UBR4: variants seen among roughly 807,000 people sequenced by gnomAD.
UBR4 encodes the protein E3 ubiquitin-protein ligase UBR4.
A neutral mutation model predicts 575.6 loss-of-function variants in UBR4; 124 were observed. The observed-to-expected ratio is 0.22, with a 90% CI of 0.19 to 0.25. The LOEUF (loss-of-function observed/expected upper bound fraction) is 0.25, where lower values mean the gene tolerates loss of function less well. Ranked by LOEUF, UBR4 falls within the 10% of genes least tolerant of loss-of-function variation. The pLI is 1.00. For missense variants in UBR4, 4,818 were observed against 6,478.8 expected (o/e 0.74, Z 8.80); for synonymous variants, 2,455 against 2,473.7 (o/e 0.99, Z 0.22).
chr1:19,114,416 T>C (rs1161649167), intron 75 of UBR4, among the ~76,000 whole-genome samples: 1 of 152,196 alleles, frequency 6.6e-6, no homozygotes, highest in Non-Finnish European at 1.5e-5. Context: ...TTCACTGTTC[T>C]TTAATATCTA....
intron 1 of UBR4, among the ~76,000 whole-genome samples, chr1:19,209,174 G>A (rs571212675): frequency 6.6e-6 from 1 of 152,294 alleles, no homozygotes; most frequent in African/African-American, 2.4e-5. Flanking sequence ...CCTTGTCATC[G>A]TGAAGCTAAA....
At chr1:19,177,767 T>A in intron 18 of UBR4, 24 bp from the exon 19 acceptor site, 1 of 1,602,378 alleles carries the variant, frequency 6.2e-7, no homozygotes, top group Admixed American at 1.7e-5. Flanking sequence ...AAGATGACTA[T>A]ATCTGGTGGG....
intron 92 of UBR4, chr1:19,095,915 T>C (rs2077990596): frequency 2.6e-6 from 1 of 387,088 alleles, no homozygotes; most frequent in Admixed American, 4.1e-5. Flanking sequence ...ATGGAAGAGG[T>C]GATGCTCTGT....
intron 105 of UBR4, 120 bp downstream of exon 105, chr1:19,076,620 G>T: frequency 1.8e-5 from 25 of 1,354,646 alleles, no homozygotes; most frequent in Non-Finnish European, 2.6e-5. Context: ...AGTGGCAGCT[G>T]ACAGGCTGGT....
intron 102 of UBR4, among the ~76,000 whole-genome samples, chr1:19,083,333 G>A (rs1254930989): frequency 1.3e-5 from 2 of 152,168 alleles, no homozygotes; most frequent in South Asian, 4.2e-4. Flanking sequence ...GAAATGGGAG[G>A]GAAGGAAAAG....
rs190693535 is a variant in UBR4, at chr1:19,190,910, T to C, written c.1394+1278A>G. Among the ~76,000 whole-genome samples the C allele has an allele frequency of 2.2e-3, 328 of 152,286 alleles. 3 individuals are homozygous for C. The highest frequency in any genetic ancestry group is 7.6e-3 in the African/African-American group (315 of 41,562). On this transcript the variant is annotated intron_variant, in intron 11 of 105. Coordinates refer to ENST00000375254, the MANE Select transcript of UBR4 (RefSeq NM_020765.3). ...GTTGCATCTCTCCCTTGTTTAATCC[T>C]TCTAACAGTTACTGACTGCACTTGG... is the stretch of plus-strand genomic sequence containing the variant.
chr1:19,194,695 G>A (rs879766814), intron 8 of UBR4, among the ~76,000 whole-genome samples: 4 of 152,112 alleles, frequency 2.6e-5, no homozygotes, highest in Non-Finnish European at 4.4e-5. Flanking sequence ...CCAGCTACTC[G>A]GGAAGCTGAA....
In UBR4 at chr1:19,094,047, G is replaced by A. The variant is rs764196439; in HGVS notation, c.13839C>T (p.Leu4613=). The A allele has an allele frequency of 4.3e-6, 7 of 1,614,138 alleles. No individual in the cohort carries two copies. Among genetic ancestry groups the A allele is most frequent in the Non-Finnish European group, 5.9e-6 (7 of 1,180,022 alleles). The change falls in exon 95 of 106, where the codon CTC becomes CTT. Residue 4613 remains leucine (L), a synonymous_variant. Coordinates refer to ENST00000375254, the MANE Select transcript of UBR4 (RefSeq NM_020765.3). ...STFVRSNPSV[L]QGLLRIIPYL... is the part of the protein sequence containing the mutation. ...ACGGGATGATGCGAAGCAGGCCCTG[G>A]AGCACACTGGGGTTGGAGCGAACAA...
At chr1:19,112,245 C>T (rs1255931656) in intron 78 of UBR4, 3 of 397,754 alleles carry the variant, frequency 7.5e-6, no homozygotes, top group African/African-American at 2.0e-5. Context: ...TGTCTCCCTT[C>T]CCTTCCCTCA....
chr1:19,095,689 A>G (rs777505611), intron 92 of UBR4, 37 bp from the exon 93 acceptor site: 5 of 1,596,480 alleles, frequency 3.1e-6, no homozygotes, highest in African/African-American at 1.3e-5. Flanking sequence ...ATGAGGCCAC[A>G]TGAGAGTGTA....
chr1:19,123,737 G>T lies in UBR4; in HGVS notation c.9589-677C>A, dbSNP rs1007188318. Among the ~76,000 whole-genome samples, 31 of 152,132 alleles carry T rather than the reference G, an allele frequency of 2.0e-4. 1 individual carries two copies. Among genetic ancestry groups the T allele is most frequent in the Admixed American group, 6.5e-5 (1 of 15,284 alleles). ...GGTAAAAGAGCTAAAGAGAAGATTGGGTTGGTACAACTATGTAACTCAAAA... is the reference window on the plus strand; with the variant it reads ...GGTAAAAGAGCTAAAGAGAAGATTGTGTTGGTACAACTATGTAACTCAAAA... On this transcript the variant is annotated intron_variant, in intron 65 of 105. Transcript: ENST00000375254.
At chr1:19,156,637 C>A in intron 41 of UBR4, 130 bp downstream of exon 41, 2 of 1,399,860 alleles carry the variant, frequency 1.4e-6, no homozygotes, top group Non-Finnish European at 1.9e-6. Context: ...AGAAAAATTC[C>A]TTTTGCATTT....
chr1:19,126,306 G>T, intron 64 of UBR4, 140 bp downstream of exon 64: 1 of 948,812 alleles, frequency 1.1e-6, no homozygotes, highest in Non-Finnish European at 1.6e-6. Flanking sequence ...CAATCACGCC[G>T]AGATTAACCC....
At chr1:19,174,857 C>G (rs2090049355) in intron 21 of UBR4, 97 bp downstream of exon 21, 2 of 1,115,300 alleles carry the variant, frequency 1.8e-6, no homozygotes, top group South Asian at 1.4e-5. Flanking sequence ...CATTTCCTCA[C>G]TATAAAAAGT....
At position 19,162,736 on chromosome 1, in the gene UBR4, A is replaced by T. The variant is rs1452470441; in HGVS notation, c.4765-125T>A. On this transcript the variant is annotated intron_variant, in intron 34 of 105. Transcript: ENST00000375254. ...TGGTATGAGAGCAGAGAAGAAAAAC[A>T]GTGTGTTTTTATTTATTAACCAGGT... is the stretch of plus-strand genomic sequence containing the variant. 6 of 1,213,678 alleles carry T rather than the reference A, an allele frequency of 4.9e-6. No homozygotes were observed. The Admixed American group carries it at 1.8e-4, about 36-fold the overall frequency. 75.2% of individuals were successfully genotyped at this position (1,213,678 alleles called of 1,614,324 possible). A position where few individuals can be genotyped will look rare whatever the true frequency, so the allele number is the denominator to read the frequency against.
Position 19,092,858 on chromosome 1 carries a change from C to T in UBR4, c.14172G>A (p.Arg4724=). 6.2e-7 allele frequency: 1 copy of T among 1,613,374 alleles called. No homozygotes were observed. The highest frequency in any genetic ancestry group is 8.5e-7 in the Non-Finnish European group (1 of 1,179,828). Residue 4724 remains arginine, a synonymous_variant, in exon 97 of 106, where the codon AGG becomes AGA. Coordinates refer to ENST00000375254, the MANE Select transcript of UBR4 (RefSeq NM_020765.3). The stretch of plus-strand genomic sequence containing the variant: ...GCTGGATGGCCAGGCCCCGAAGCAG[C>T]CTTAGGATAAATGGCAAGGCTGGGC... ...LSRPALPFIL[R]LLRGLAIQHP...
chr1:19,192,984 T>C (rs1040273609), intron 9 of UBR4, among the ~76,000 whole-genome samples: 3 of 152,174 alleles, frequency 2.0e-5, no homozygotes, highest in African/African-American at 7.2e-5. Context: ...GGTTTCACCA[T>C]GCTGGCCAGG....
chr1:19,115,230 C>T (rs2080385746), intron 74 of UBR4, among the ~76,000 whole-genome samples, 168 bp downstream of exon 74: 1 of 115,326 alleles, frequency 8.7e-6, no homozygotes, highest in South Asian at 2.6e-4. Flanking sequence ...CACTCACTCA[C>T]TCTCTCTTCT....
In UBR4 at chr1:19,110,311, C is replaced by A; in HGVS notation, c.11977+69G>T. On this transcript the variant is annotated intron_variant, in intron 80 of 105. Coordinates refer to ENST00000375254, the MANE Select transcript of UBR4 (RefSeq NM_020765.3). This position sits in a 1 kb window ranked among gnomAD's most constrained non-coding sequence, Gnocchi z 4.5. The stretch of plus-strand genomic sequence containing the variant: ...CCGCCCAAGCATCAGTTTCCCTCCT[C>A]CCCTCCCAGTCCGGCCAGGACTGCT... 1 of 1,612,968 alleles carries A rather than the reference C, an allele frequency of 6.2e-7. No homozygotes were observed. Among genetic ancestry groups the A allele is most frequent in the East Asian group, 2.2e-5 (1 of 44,856 alleles).
Sources: allele counts gnomAD v4.1 joint callset (sites outside exome capture counted in the v4.1 genomes callset), GRCh38; gene constraint gnomAD v4.1.1; non-coding constraint Gnocchi (gnomAD v3.1); transcripts MANE v1.5; gene names NCBI Gene and HGNC (gene_info 2026-07-23, HGNC 2026-07-21).